Variants in SEMA4A observed in about 807,000 individuals in gnomAD.
The protein encoded by SEMA4A is semaphorin 4A.
Under a neutral mutation model 72.5 loss-of-function variants are expected in SEMA4A, and 52 were observed. That is an observed-to-expected ratio of 0.72 (90% CI 0.57 to 0.90). The LOEUF (loss-of-function observed/expected upper bound fraction) is 0.90, where lower values mean the gene tolerates loss of function less well. Among genes scored for constraint, SEMA4A ranks in the 40% least tolerant of loss-of-function variants. SEMA4A has a pLI of 0.00. For missense variants in SEMA4A, 926 were observed against 959.7 expected (o/e 0.96, Z 0.46); for synonymous variants, 369 against 393.1 (o/e 0.94, Z 0.73).
chr1:156,160,618 C>A, intron 7 of SEMA4A, 59 bp downstream of exon 7: 1 of 1,442,258 alleles, frequency 6.9e-7, no homozygotes, highest in Non-Finnish European at 9.8e-7. Context: ...TGCTAATTCA[C>A]TCAACTTTCA....
chr1:156,169,407 C>CTTTTTTTTTTT (rs766983966), intron 10 of SEMA4A, among the ~76,000 whole-genome samples: 22 of 85,286 alleles, frequency 2.6e-4, no homozygotes, highest in East Asian at 6.3e-4. Context: ...CTTTTCTTTT[C>CTTTTTTTTTTT]TTTTTTTTTT....
At chr1:156,156,706 A>G (rs1653067423) in intron 3 of SEMA4A, 132 bp downstream of exon 3, 1 of 827,968 alleles carries the variant, frequency 1.2e-6, no homozygotes, top group Non-Finnish European at 1.9e-6. Context: ...TTATATGTAT[A>G]TCGTGACAAT....
chr1:156,159,024 A>T, intron 6 of SEMA4A, 200 bp downstream of exon 6: 6 of 427,974 alleles, frequency 1.4e-5, no homozygotes, highest in Admixed American at 8.2e-5. Context: ...ACACAGCGAG[A>T]TCGTCTCAAA....
chr1:156,176,577 C>A lies in SEMA4A; in HGVS notation c.1866C>A (p.Tyr622Ter), dbSNP rs1370435390. The change falls in exon 15 of 15, where the codon TAC (tyrosine) becomes TAA (stop). Residue 622 changes from tyrosine (Y) to a stop codon, truncating the protein, a stop_gained. Transcript: ENST00000368285. LOFTEE classifies it high-confidence loss of function. ...TGCAGGATGGAGTTGGGGGTCTCTACCAGTGCTGGGCAACTGAGAATGGCT... is the reference window on the plus strand; with the variant it reads ...TGCAGGATGGAGTTGGGGGTCTCTAACAGTGCTGGGCAACTGAGAATGGCT... ...LIVQDGVGGL[Y>*]QCWATENGFS... is the part of the protein sequence containing the mutation. 6.2e-7 allele frequency: 1 copy of A among 1,614,146 alleles called. No individual in the cohort carries two copies. Among genetic ancestry groups the A allele is most frequent in the South Asian group, 1.1e-5 (1 of 91,078 alleles).
At chr1:156,147,981 T>A (rs1194680916), upstream of SEMA4A, among the ~76,000 whole-genome samples, 1 of 152,208 alleles carries the variant, frequency 6.6e-6, no homozygotes, top group Non-Finnish European at 1.5e-5. Flanking sequence ...TTAGCTCTTT[T>A]CTGGAAGTTT....
chr1:156,163,166 A>C, intron 10 of SEMA4A, 72 bp downstream of exon 10: 1 of 1,551,376 alleles, frequency 6.4e-7, no homozygotes, highest in Non-Finnish European at 8.9e-7. Context: ...CTATCATGGC[A>C]TAGTAAATGC....
upstream of SEMA4A, among the ~76,000 whole-genome samples, chr1:156,149,353 A>G (rs1236738676): frequency 6.6e-6 from 1 of 152,184 alleles, no homozygotes; most frequent in Non-Finnish European, 1.5e-5. Flanking sequence ...TGCTCTCTAC[A>G]GCACAAACCT....
chr1:156,153,957 G>A (rs962793479), intron 1 of SEMA4A, among the ~76,000 whole-genome samples, 193 bp downstream of exon 1: 5 of 152,294 alleles, frequency 3.3e-5, no homozygotes, highest in African/African-American at 1.2e-4. Context: ...TTGCCTCCCT[G>A]GAAGTATCAG....
chr1:156,174,304 A>G (rs1312877861), intron 11 of SEMA4A, among the ~76,000 whole-genome samples: 1 of 152,220 alleles, frequency 6.6e-6, no homozygotes, highest in Non-Finnish European at 1.5e-5. Context: ...ACAGCAGAGA[A>G]CAAAACAGTC....
chr1:156,167,475 C>CAAAAAAAAAA (rs58793729), intron 10 of SEMA4A, among the ~76,000 whole-genome samples: 2 of 103,618 alleles, frequency 1.9e-5, no homozygotes, highest in Non-Finnish European at 2.0e-5. Flanking sequence ...GACCCTGTCT[C>CAAAAAAAAAA]AAAAAAAAAA....
upstream of SEMA4A, among the ~76,000 whole-genome samples, chr1:156,152,364 C>A (rs1652606661): frequency 6.6e-6 from 1 of 151,992 alleles, no homozygotes; most frequent in Non-Finnish European, 1.5e-5. Flanking sequence ...GGCTGGAACT[C>A]CCCCAGCCTC....
chr1:156,177,032 C>G lies in SEMA4A; in HGVS notation c.*35C>G. The G allele has an allele frequency of 6.3e-7, 1 of 1,587,334 alleles. No individual in the cohort carries two copies. Among genetic ancestry groups the G allele is most frequent in the Non-Finnish European group, 8.6e-7 (1 of 1,167,724 alleles). On this transcript the variant is annotated 3_prime_UTR_variant, in exon 15 of 15. Transcript: ENST00000368285. ...ACAGGCCGGGGCTGCGGTGCAGGCACCTGGCCATGCTGGCTGGGCGGCCCA... is the reference window on the plus strand; with the variant it reads ...ACAGGCCGGGGCTGCGGTGCAGGCAGCTGGCCATGCTGGCTGGGCGGCCCA...
At chr1:156,172,144 G>A (rs1423221563) in intron 10 of SEMA4A, among the ~76,000 whole-genome samples, 1 of 149,754 alleles carries the variant, frequency 6.7e-6, no homozygotes, top group African/African-American at 2.5e-5. Context: ...TTGAGACGGA[G>A]TCTCTCTCTG....
chr1:156,158,404 T>C lies in SEMA4A; in HGVS notation c.380T>C (p.Phe127Ser), dbSNP rs142104983. The change falls in exon 5 of 15, where the codon TTC (phenylalanine) becomes TCC (serine). Residue 127 changes from phenylalanine (F) to serine (S), a missense_variant. Coordinates refer to ENST00000368285, the MANE Select transcript of SEMA4A (RefSeq NM_022367.4). ...CTCCCTCAGACACAGTGTTTCAACT[T>C]CATCCGTGTCCTGGTTTCTTACAAT... ...KKSNETQCFN[F>S]IRVLVSYNVT... is the part of the protein sequence containing the mutation. 9 of 1,613,788 alleles carry C rather than the reference T, an allele frequency of 5.6e-6. No individual in the cohort carries two copies. The highest frequency in any genetic ancestry group is 7.6e-6 in the Non-Finnish European group (9 of 1,179,706).
chr1:156,172,851 A>T lies in SEMA4A; in HGVS notation c.1160A>T (p.Lys387Met). 6.2e-7 allele frequency: 1 copy of T among 1,614,118 alleles called. No individual in the cohort carries two copies. ...GSCSVGPSSD[K>M]ALTFMKDHFL... Reference sequence around the variant, plus strand: ...TGCTCAGTGGGCCCCTCCTCTGATAAGGCCCTGACCTTCATGAAGGACCAT... The same window carrying T: ...TGCTCAGTGGGCCCCTCCTCTGATATGGCCCTGACCTTCATGAAGGACCAT... The change falls in exon 11 of 15, where the codon AAG (lysine) becomes ATG (methionine). Residue 387 changes from lysine (K) to methionine (M), a missense_variant. Lys to Met is a moderately conservative substitution (Grantham distance 95, BLOSUM62 -1). Transcript: ENST00000368285.
intron 10 of SEMA4A, among the ~76,000 whole-genome samples, chr1:156,172,415 C>T (rs1030259570): frequency 2.6e-5 from 4 of 152,204 alleles, no homozygotes; most frequent in African/African-American, 9.6e-5. Context: ...TGCGCCCAGC[C>T]ATAAAACTTG....
intron 10 of SEMA4A, among the ~76,000 whole-genome samples, chr1:156,167,801 C>T (rs576760173): frequency 7.2e-4 from 109 of 152,294 alleles, no homozygotes; most frequent in Admixed American, 1.0e-3. Context: ...TGGCAGCATT[C>T]GCTTCCTGTT....
intron 13 of SEMA4A, 68 bp downstream of exon 13, chr1:156,175,311 T>A: frequency 6.6e-7 from 1 of 1,524,598 alleles, no homozygotes; most frequent in Non-Finnish European, 9.0e-7. Flanking sequence ...CTTCTGCTAC[T>A]GTTCTTCCTC....
At chr1:156,163,292 G>A in intron 10 of SEMA4A, 198 bp downstream of exon 10, 1 of 622,546 alleles carries the variant, frequency 1.6e-6, no homozygotes, top group Non-Finnish European at 2.8e-6. Flanking sequence ...AGCAGTTGCT[G>A]GAGCCATCTC....
Sources: allele counts gnomAD v4.1 joint callset (sites outside exome capture counted in the v4.1 genomes callset), GRCh38; gene constraint gnomAD v4.1.1; transcripts MANE v1.5; gene names NCBI Gene and HGNC (gene_info 2026-07-23, HGNC 2026-07-21).